The following CNTN5 variants were observed in gnomAD, a reference collection of about 807,000 sequenced individuals.
CNTN5 encodes the protein contactin-5.
Under a neutral mutation model 129.1 loss-of-function variants are expected in CNTN5, and 77 were observed. The observed-to-expected ratio is 0.60, with a 90% confidence interval of 0.50 to 0.72. The LOEUF (loss-of-function observed/expected upper bound fraction) is 0.72, where lower values mean the gene tolerates loss of function less well. Ranked by LOEUF, CNTN5 falls within the 30% of genes least tolerant of loss-of-function variation. The pLI is 0.00. For missense variants in CNTN5, 1,478 were observed against 1,328.8 expected (o/e 1.11, Z -1.75); for synonymous variants, 509 against 465.6 (o/e 1.09, Z -1.20).
intron 3 of CNTN5, among the ~76,000 whole-genome samples, chr11:99,648,880 A>G (rs1427703956): frequency 6.6e-6 from 1 of 151,804 alleles, no homozygotes; most frequent in Non-Finnish European, 1.5e-5. Flanking sequence ...ACTGGAACCG[A>G]GAATTCTAGA....
At chr11:99,919,180 G>A (rs1047999014) in intron 7 of CNTN5, among the ~76,000 whole-genome samples, 9 of 152,058 alleles carry the variant, frequency 5.9e-5, no homozygotes, top group African/African-American at 1.7e-4. Flanking sequence ...TTTTTCTTGC[G>A]ACTCCAAGCT....
chr11:99,938,033 G>A (rs966694066), intron 7 of CNTN5, among the ~76,000 whole-genome samples: 7 of 152,250 alleles, frequency 4.6e-5, no homozygotes, highest in Middle Eastern at 3.4e-3. Flanking sequence ...TGTATCATGC[G>A]AATAGGCTCT....
At chr11:99,647,487 G>A (rs190794626) in intron 3 of CNTN5, among the ~76,000 whole-genome samples, 2 of 151,590 alleles carry the variant, frequency 1.3e-5, no homozygotes, top group African/African-American at 4.8e-5. Context: ...TTTCAGTCTT[G>A]TTCTTTTTGC....
At chr11:99,875,226 T>G (rs1591349208) in intron 6 of CNTN5, among the ~76,000 whole-genome samples, 1 of 152,174 alleles carries the variant, frequency 6.6e-6, no homozygotes, top group East Asian at 1.9e-4. Context: ...ATTCTTTAAC[T>G]TCATCTCACA....
chr11:99,296,139 G>A (rs1864380097), intron 1 of CNTN5, among the ~76,000 whole-genome samples: 1 of 152,172 alleles, frequency 6.6e-6, no homozygotes, highest in South Asian at 2.1e-4. Context: ...TCTCGTGAGA[G>A]TAGAAGCCTT....
At chr11:99,668,751 G>A (rs674812) in intron 3 of CNTN5, among the ~76,000 whole-genome samples, 150,893 of 152,232 alleles carry the variant, frequency 0.99, 74,801 homozygotes, top group East Asian at 1. Flanking sequence ...CCACATAGTG[G>A]AACTTGAACT....
At chr11:100,237,586 A>G (rs1214099301) in intron 16 of CNTN5, among the ~76,000 whole-genome samples, 1 of 152,162 alleles carries the variant, frequency 6.6e-6, no homozygotes, top group Non-Finnish European at 1.5e-5. Context: ...GTACTCCTTA[A>G]TTTGGAATTA....
intron 2 of CNTN5, among the ~76,000 whole-genome samples, chr11:99,392,487 G>T (rs1031329364): frequency 3.3e-5 from 5 of 151,714 alleles, no homozygotes; most frequent in Non-Finnish European, 5.9e-5. Context: ...GACAGATAAG[G>T]CTAACTTTTC....
intron 1 of CNTN5, among the ~76,000 whole-genome samples, chr11:99,299,292 T>C (rs1864521608): frequency 6.6e-6 from 1 of 152,024 alleles, no homozygotes; most frequent in Non-Finnish European, 1.5e-5. Flanking sequence ...GTATTATGAA[T>C]AAAAATAATA....
intron 6 of CNTN5, among the ~76,000 whole-genome samples, chr11:99,853,590 G>A (rs551673098): frequency 3.9e-5 from 6 of 151,984 alleles, no homozygotes; most frequent in African/African-American, 9.6e-5. Context: ...TAGTAGAGAC[G>A]GGGTTTCTCC....
At chr11:99,245,777 C>T (rs1861784964) in intron 1 of CNTN5, among the ~76,000 whole-genome samples, 1 of 152,108 alleles carries the variant, frequency 6.6e-6, no homozygotes, top group African/African-American at 2.4e-5. Context: ...CATTTGGGGC[C>T]AGATAAATCT....
intron 8 of CNTN5, among the ~76,000 whole-genome samples, chr11:99,968,685 T>C (rs1951164913): frequency 8.4e-6 from 1 of 118,710 alleles, no homozygotes; most frequent in Non-Finnish European, 1.8e-5. Context: ...TTTTTTTTTT[T>C]TGTATTTCCC....
chr11:99,714,801 C>T (rs1335735135), intron 3 of CNTN5, among the ~76,000 whole-genome samples: 1 of 150,858 alleles, frequency 6.6e-6, no homozygotes, highest in Non-Finnish European at 1.5e-5. Flanking sequence ...TATAATTATA[C>T]ATACTATTAA....
At chr11:99,795,325 T>C (rs1262810656) in intron 3 of CNTN5, among the ~76,000 whole-genome samples, 3 of 152,218 alleles carry the variant, frequency 2.0e-5, no homozygotes, top group African/African-American at 7.2e-5. Flanking sequence ...TGTATCATTT[T>C]ATTGTATTCC....
At chr11:100,261,714 A>G (rs933942900) in intron 17 of CNTN5, among the ~76,000 whole-genome samples, 1 of 152,218 alleles carries the variant, frequency 6.6e-6, no homozygotes, top group African/African-American at 2.4e-5. Context: ...TCCCTATTTA[A>G]TAAATGGTAT....
At chr11:99,537,158 C>A (rs1197297078) in intron 2 of CNTN5, among the ~76,000 whole-genome samples, 8 of 152,240 alleles carry the variant, frequency 5.3e-5, no homozygotes, top group African/African-American at 1.9e-4. Context: ...AAATTCAAAC[C>A]TGGATGGTCT....
chr11:100,052,672 C>T (rs2137751200), intron 9 of CNTN5, among the ~76,000 whole-genome samples: 1 of 151,856 alleles, frequency 6.6e-6, no homozygotes, highest in East Asian at 1.9e-4. Context: ...AGTCAAAATC[C>T]TAGCCTGCTT....
intron 8 of CNTN5, among the ~76,000 whole-genome samples, chr11:99,994,837 T>C (rs940391771): frequency 6.6e-6 from 1 of 152,086 alleles, no homozygotes; most frequent in Non-Finnish European, 1.5e-5. Context: ...GCTGAGTTTA[T>C]AGGTATCACC....
chr11:99,425,484 G>C (rs1458267737), intron 2 of CNTN5, among the ~76,000 whole-genome samples: 1 of 152,210 alleles, frequency 6.6e-6, no homozygotes, highest in African/African-American at 2.4e-5. Context: ...TGTGCTATGT[G>C]GTGCCCAAAG....
Sources: gnomAD v4.1 joint callset for allele counts (sites outside exome capture counted in the v4.1 genomes callset) on GRCh38, gnomAD v4.1.1 for gene constraint, MANE v1.5 for transcripts, NCBI Gene and HGNC (gene_info 2026-07-23, HGNC 2026-07-21) for gene names.